MECOM: variants seen among roughly 807,000 people sequenced by gnomAD.
The protein encoded by MECOM is histone-lysine N-methyltransferase MECOM.
Under a neutral mutation model 116.3 loss-of-function variants are expected in MECOM, and 13 were observed. The observed-to-expected ratio is 0.11, with a 90% confidence interval of 0.07 to 0.18. The LOEUF is 0.18. Among genes scored for constraint, MECOM ranks in the 10% least tolerant of loss-of-function variants. The pLI is 1.00. For missense variants in MECOM, 1,299 were observed against 1,509.0 expected (o/e 0.86, Z 2.31); for synonymous variants, 528 against 535.2 (o/e 0.99, Z 0.19).
intron 1 of MECOM, among the ~76,000 whole-genome samples, chr3:169,562,138 T>A (rs554073683): frequency 0.14 from 561 of 3,946 alleles, 10 homozygotes; most frequent in African/African-American, 0.3. Context: ...AGAGCAATAC[T>A]CAAAAAAAAA....
At chr3:169,418,157 GA>G (rs1739046911) in intron 1 of MECOM, among the ~76,000 whole-genome samples, 1 of 150,548 alleles carries the variant, frequency 6.6e-6, no homozygotes, top group African/African-American at 2.4e-5. Flanking sequence ...AGAAGAAATG[GA>G]TAAGTTCCTG....
At chr3:169,659,000 C>T (rs888553867) in intron 1 of MECOM, among the ~76,000 whole-genome samples, 10 of 118,800 alleles carry the variant, frequency 8.4e-5, no homozygotes, top group Non-Finnish European at 1.5e-4. Context: ...CCCCAACTTA[C>T]AAAAATAAAA....
intron 1 of MECOM, among the ~76,000 whole-genome samples, chr3:169,385,193 A>G (rs773792192): frequency 7.2e-5 from 11 of 152,032 alleles, no homozygotes; most frequent in Admixed American, 1.3e-4. Context: ...ATTACCCACA[A>G]ACTCTCCCAA....
At chr3:169,154,237 C>T (rs1365952740) in intron 2 of MECOM, among the ~76,000 whole-genome samples, 1 of 152,110 alleles carries the variant, frequency 6.6e-6, no homozygotes, top group Non-Finnish European at 1.5e-5. Flanking sequence ...AACACACACA[C>T]ACACATCTTG....
intron 1 of MECOM, among the ~76,000 whole-genome samples, chr3:169,581,161 A>G (rs556492623): frequency 1.4e-4 from 22 of 152,370 alleles, no homozygotes; most frequent in South Asian, 8.3e-4. Flanking sequence ...GTAATGATTC[A>G]AAACAAAATG....
chr3:169,332,978 AG>A (rs1219656499), intron 2 of MECOM, among the ~76,000 whole-genome samples: 1 of 152,196 alleles, frequency 6.6e-6, no homozygotes, highest in African/African-American at 2.4e-5. Flanking sequence ...ACAGCATTGA[AG>A]AAAAAATACT....
chr3:169,133,139 T>C (rs1735310604), intron 3 of MECOM, among the ~76,000 whole-genome samples: 1 of 150,562 alleles, frequency 6.6e-6, no homozygotes, highest in South Asian at 2.1e-4. Context: ...ACACATACAC[T>C]ACCAAAACAA....
chr3:169,538,422 C>T (rs2109208025), intron 1 of MECOM, among the ~76,000 whole-genome samples: 1 of 152,216 alleles, frequency 6.6e-6, no homozygotes, highest in South Asian at 2.1e-4. Context: ...TCATAAATGG[C>T]AGGTTAGAGG....
intron 2 of MECOM, among the ~76,000 whole-genome samples, chr3:169,156,578 C>G (rs1742020586): frequency 1.3e-5 from 2 of 152,154 alleles, no homozygotes; most frequent in South Asian, 4.1e-4. Flanking sequence ...TATCAGTAAA[C>G]TCTAGCCAAT....
intron 1 of MECOM, among the ~76,000 whole-genome samples, chr3:169,590,396 C>T (rs1338549758): frequency 1.3e-5 from 2 of 152,136 alleles, no homozygotes; most frequent in Non-Finnish European, 2.9e-5. Context: ...GTGCCCACAC[C>T]GATACATGAG....
chr3:169,531,993 T>C (rs928015099), intron 1 of MECOM, among the ~76,000 whole-genome samples: 1 of 152,170 alleles, frequency 6.6e-6, no homozygotes, highest in East Asian at 1.9e-4. Flanking sequence ...TCCTAAAGTT[T>C]TGAGTCCAAT....
At chr3:169,538,636 T>A (rs1182636023) in intron 1 of MECOM, among the ~76,000 whole-genome samples, 6 of 152,204 alleles carry the variant, frequency 3.9e-5, no homozygotes, top group Non-Finnish European at 8.8e-5. Context: ...TAGCAAATCA[T>A]GATCCCTCTC....
chr3:169,474,377 G>T (rs1038864315), intron 1 of MECOM, among the ~76,000 whole-genome samples: 1 of 151,918 alleles, frequency 6.6e-6, no homozygotes, highest in Non-Finnish European at 1.5e-5. Flanking sequence ...TTCAATATAC[G>T]GTTTATTAAT....
intron 2 of MECOM, among the ~76,000 whole-genome samples, chr3:169,301,381 G>T (rs1716687684): frequency 6.6e-6 from 1 of 152,212 alleles, no homozygotes; most frequent in Non-Finnish European, 1.5e-5. Flanking sequence ...TCTAGGGAAA[G>T]TTGGGAGAAA....
At position 169,116,298 on chromosome 3, in the gene MECOM, T is replaced by C; in HGVS notation, c.1574A>G (p.Gln525Arg). 1 of 1,614,208 alleles carries C rather than the reference T, an allele frequency of 6.2e-7. No individual in the cohort carries two copies. ...CTGAGGATGTGTCATGAGGGGACTT[T>C]GACTTTTGTTTGTCTGTTCAGTACT... ...LSSTEQTNKS[Q>R]SPLMTHPQIL... The change falls in exon 8 of 17, where the codon CAA becomes CGA. Residue 525 changes from glutamine to arginine, a missense_variant. This residue lies in a region of MECOM where 238 missense variants were observed against 273.1 expected (regional missense o/e 0.87). Transcript: ENST00000651503.
chr3:169,321,528 G>A (rs1185079779), intron 2 of MECOM, among the ~76,000 whole-genome samples: 3 of 150,892 alleles, frequency 2.0e-5, no homozygotes, highest in South Asian at 2.1e-4. Flanking sequence ...GTGACAGAGC[G>A]AGACTCCGTC....
At chr3:169,365,337 G>A (rs28693769) in intron 2 of MECOM, among the ~76,000 whole-genome samples, 5,907 of 152,116 alleles carry the variant, frequency 0.039, 243 homozygotes, top group African/African-American at 0.11. Flanking sequence ...TTACTTCCCT[G>A]GGCTAGTATA....
intron 2 of MECOM, among the ~76,000 whole-genome samples, chr3:169,182,557 A>G (rs1019300490): frequency 6.6e-6 from 1 of 152,238 alleles, no homozygotes; most frequent in Non-Finnish European, 1.5e-5. Flanking sequence ...TCACAAGTGT[A>G]GAGAAATTCC....
rs1272580479 is a variant in MECOM, at chr3:169,485,923, A to AATATATAT, written c.38-104400_38-104399insATATATAT. On this transcript the variant is annotated intron_variant, in intron 1 of 16. Coordinates refer to ENST00000651503, the MANE Select transcript of MECOM (RefSeq NM_004991.4). The stretch of plus-strand genomic sequence containing the variant: ...ATATAGTATATATGTATGTATATAT[A>AATATATAT]GTATATATAGTATATATGTATGTAT... Among the ~76,000 whole-genome samples the AATATATAT allele has an allele frequency of 7.2e-5, 6 of 83,762 alleles. 1 individual carries two copies. In the South Asian group the frequency reaches 1.9e-3, roughly 27 times the overall value. The allele number at this position is 83,762 out of a possible 152,430, so 55.0% of individuals were successfully genotyped here.
Sources: allele counts gnomAD v4.1 joint callset (sites outside exome capture counted in the v4.1 genomes callset), GRCh38; gene constraint gnomAD v4.1.1; regional missense constraint gnomAD v4.1.1; transcripts MANE v1.5; gene names NCBI Gene and HGNC (gene_info 2026-07-23, HGNC 2026-07-21).